KHDRBS3: variants seen among roughly 807,000 people sequenced by gnomAD.
KHDRBS3 encodes KH domain-containing, RNA-binding, signal transduction-associated protein 3.
KHDRBS3 carries 23 observed loss-of-function variants against 45.6 expected under a neutral mutation model. The observed-to-expected ratio is 0.50, with a 90% confidence interval of 0.36 to 0.72. The LOEUF is 0.72. Among genes scored for constraint, KHDRBS3 ranks in the 30% least tolerant of loss-of-function variants. The pLI is 0.00. For missense variants in KHDRBS3, 352 were observed against 424.8 expected, an observed-to-expected ratio of 0.83 and a Z score of 1.51; for synonymous variants, 162 against 156.5, an observed-to-expected ratio of 1.04 and a Z score of -0.26.
chr8:135,488,277 C>T (rs942621821), intron 1 of KHDRBS3, among the ~76,000 whole-genome samples: 7 of 152,018 alleles, frequency 4.6e-5, no homozygotes, highest in South Asian at 2.1e-4. Flanking sequence ...CAGAACTAAG[C>T]GGGGAATGAA....
chr8:135,509,860 G>T (rs775921273), intron 1 of KHDRBS3, among the ~76,000 whole-genome samples: 4 of 151,908 alleles, frequency 2.6e-5, no homozygotes, highest in Non-Finnish European at 4.4e-5. Context: ...AATGTATCTG[G>T]ATTTGGTTCT....
chr8:135,515,058 G>T (rs1172518187), intron 1 of KHDRBS3, among the ~76,000 whole-genome samples: 8 of 152,066 alleles, frequency 5.3e-5, no homozygotes, highest in Non-Finnish European at 8.8e-5. Flanking sequence ...GGAGGTATTA[G>T]AAATTCTTTT....
chr8:135,632,162 G>T (rs1416014299), intron 7 of KHDRBS3, among the ~76,000 whole-genome samples: 1 of 152,162 alleles, frequency 6.6e-6, no homozygotes, highest in Non-Finnish European at 1.5e-5. Context: ...ACTTTCTCTT[G>T]AACTTGATCT....
intron 7 of KHDRBS3, among the ~76,000 whole-genome samples, chr8:135,642,660 C>A (rs1831111171): frequency 6.6e-6 from 1 of 152,140 alleles, no homozygotes; most frequent in Admixed American, 6.5e-5. Context: ...ATACAGAGAG[C>A]TCAAATCATA....
intron 1 of KHDRBS3, among the ~76,000 whole-genome samples, chr8:135,478,785 G>A (rs1293406658): frequency 6.6e-6 from 1 of 152,136 alleles, no homozygotes; most frequent in Non-Finnish European, 1.5e-5. Context: ...AGATGAAAAT[G>A]AAGACACTAC....
chr8:135,560,234 G>A (rs1265529901), intron 5 of KHDRBS3, among the ~76,000 whole-genome samples: 1 of 151,882 alleles, frequency 6.6e-6, no homozygotes, highest in African/African-American at 2.4e-5. Context: ...TTCATCATAA[G>A]AAATTATTTA....
At chr8:135,612,490 A>T (rs1270057891) in intron 7 of KHDRBS3, among the ~76,000 whole-genome samples, 3 of 151,878 alleles carry the variant, frequency 2.0e-5, no homozygotes. Context: ...ACTGCTGTCA[A>T]GGAGCACCCA....
intron 6 of KHDRBS3, among the ~76,000 whole-genome samples, chr8:135,598,781 T>A (rs181134071): frequency 6.6e-6 from 1 of 152,358 alleles, no homozygotes; most frequent in East Asian, 1.9e-4. Context: ...CAGTTAATAT[T>A]TGTTTTTTAA....
At chr8:135,470,608 C>CA (rs111451623) in intron 1 of KHDRBS3, among the ~76,000 whole-genome samples, 20 of 148,430 alleles carry the variant, frequency 1.3e-4, no homozygotes, top group Middle Eastern at 3.4e-3. Context: ...TTCCCTGAGA[C>CA]AGAGTCTTAC....
rs73712096 is a variant in KHDRBS3, at chr8:135,625,171, G to T, written c.890+18134G>T. 3,927 of 1,351,836 alleles carry T rather than the reference G, an allele frequency of 2.9e-3. 39 individuals are homozygous for T. Among genetic ancestry groups the T allele is most frequent in the African/African-American group, 0.021 (1,474 of 68,878 alleles). The allele number at this position is 1,351,836 out of a possible 1,614,324, so 83.7% of individuals were successfully genotyped here. On this transcript the variant is annotated intron_variant, in intron 7 of 8. Coordinates refer to ENST00000355849, the MANE Select transcript of KHDRBS3 (RefSeq NM_006558.3). ...GAGTGAAGAATTCAGATGTTGCTCT[G>T]CTGGTCCAGGCTGTTAATACTCTTC...
intron 4 of KHDRBS3, among the ~76,000 whole-genome samples, chr8:135,551,740 C>T (rs1358610958): frequency 6.6e-6 from 1 of 152,042 alleles, no homozygotes; most frequent in Non-Finnish European, 1.5e-5. Context: ...TTTATATTAA[C>T]TTATACTATT....
At chr8:135,535,994 T>G (rs918551679) in intron 2 of KHDRBS3, among the ~76,000 whole-genome samples, 3 of 152,084 alleles carry the variant, frequency 2.0e-5, no homozygotes, top group African/African-American at 7.2e-5. Context: ...TTTCTTTATT[T>G]TCTTTAATTT....
chr8:135,464,255 G>A (rs1821582283), intron 1 of KHDRBS3, among the ~76,000 whole-genome samples: 1 of 152,212 alleles, frequency 6.6e-6, no homozygotes. Flanking sequence ...TACTGAAAAT[G>A]TGTTTTACCA....
chr8:135,650,152 C>G (rs1831399501), downstream of KHDRBS3, among the ~76,000 whole-genome samples: 1 of 152,140 alleles, frequency 6.6e-6, no homozygotes. Flanking sequence ...CTGGACACAA[C>G]AGAGGCACTG....
chr8:135,469,315 C>T (rs1586557892), intron 1 of KHDRBS3, among the ~76,000 whole-genome samples: 2 of 152,172 alleles, frequency 1.3e-5, no homozygotes, highest in South Asian at 2.1e-4. Context: ...GACGGAGTCT[C>T]GCTCTGTCGC....
At chr8:135,548,598 T>A in intron 3 of KHDRBS3, among the ~76,000 whole-genome samples, 156 bp from the exon 4 acceptor site, 1 of 152,236 alleles carries the variant, frequency 6.6e-6, no homozygotes, top group East Asian at 1.9e-4. Context: ...CATTTATAGC[T>A]TAAACCTTCT....
chr8:135,518,234 C>CA (rs1485142623), intron 1 of KHDRBS3, among the ~76,000 whole-genome samples: 3 of 152,060 alleles, frequency 2.0e-5, no homozygotes, highest in Non-Finnish European at 4.4e-5. Context: ...GGTGCAGTGA[C>CA]ACGATCTCAC....
At chr8:135,522,437 G>T (rs550751935) in intron 2 of KHDRBS3, among the ~76,000 whole-genome samples, 1 of 152,068 alleles carries the variant, frequency 6.6e-6, no homozygotes, top group Non-Finnish European at 1.5e-5. Context: ...TATTAAATAC[G>T]CAGTATTGAA....
Position 135,639,960 on chromosome 8 carries a change from T to A in KHDRBS3, c.891-5099T>A, listed in dbSNP as rs138955709. 1.6e-4 allele frequency among the ~76,000 whole-genome samples: 25 copies of A among 152,328 alleles called. No homozygotes were observed. The East Asian group carries it at 4.4e-3, about 27-fold the overall frequency. The stretch of plus-strand genomic sequence containing the variant: ...ACATCCAAACCACATCACCCAGTGA[T>A]ATCTCGGCTGTGGAAGTTAAAGAAA... On this transcript the variant is annotated intron_variant, in intron 7 of 8. Coordinates refer to ENST00000355849, the MANE Select transcript of KHDRBS3 (RefSeq NM_006558.3).
Sources: gnomAD v4.1 joint callset for allele counts (sites outside exome capture counted in the v4.1 genomes callset) on GRCh38, gnomAD v4.1.1 for gene constraint, MANE v1.5 for transcripts, NCBI Gene and HGNC (gene_info 2026-07-23, HGNC 2026-07-21) for gene names.